TNFRSF1B: variants seen among roughly 807,000 people sequenced by gnomAD.
TNFRSF1B encodes the protein tumor necrosis factor receptor superfamily member 1B.
TNFRSF1B carries 19 observed loss-of-function variants against 44.6 expected under a neutral mutation model. That is an observed-to-expected ratio of 0.43 (90% CI 0.30 to 0.62). The LOEUF (loss-of-function observed/expected upper bound fraction) is 0.62. TNFRSF1B is among the 20% of genes least tolerant of loss of function. TNFRSF1B has a pLI of 0.16. For missense variants in TNFRSF1B, 541 were observed against 619.9 expected (o/e 0.87, Z 1.35); for synonymous variants, 252 against 261.1 (o/e 0.97, Z 0.34).
chr1:12,185,203 C>A (rs896836453), intron 1 of TNFRSF1B, among the ~76,000 whole-genome samples: 2 of 152,214 alleles, frequency 1.3e-5, no homozygotes, highest in Non-Finnish European at 2.9e-5. Context: ...GGCCATGAGC[C>A]CCCTCCGCCA....
chr1:12,201,797 C>G (rs900313822), intron 8 of TNFRSF1B, among the ~76,000 whole-genome samples, 170 bp from the exon 9 acceptor site: 1 of 152,160 alleles, frequency 6.6e-6, no homozygotes, highest in Non-Finnish European at 1.5e-5. Flanking sequence ...GAGAATCACA[C>G]CTCCCAAAAA....
chr1:12,183,826 C>CCTATCTATCTATCTATCTAT (rs111395466), intron 1 of TNFRSF1B, among the ~76,000 whole-genome samples: 115 of 124,448 alleles, frequency 9.2e-4, no homozygotes, highest in African/African-American at 3.1e-3. Flanking sequence ...ATTCTATCTA[C>CCTATCTATCTATCTATCTAT]CTATCTATCT....
At position 12,192,486 on chromosome 1, in the gene TNFRSF1B, C is replaced by T; in HGVS notation, c.513C>T (p.Asn171=). The change falls in exon 5 of 10, where the codon AAC becomes AAT. Residue 171 remains asparagine (N), a synonymous_variant. Transcript: ENST00000376259. ...CKPCAPGTFS[N]TTSSTDICRP... ...CCTGTGCCCCGGGGACGTTCTCCAA[C>T]ACGACTTCATCCACGGATATTTGCA... is the stretch of plus-strand genomic sequence containing the variant. 5 of 1,614,166 alleles carry T rather than the reference C, an allele frequency of 3.1e-6. No individual in the cohort carries two copies. Among genetic ancestry groups the T allele is most frequent in the Non-Finnish European group, 3.4e-6 (4 of 1,180,012 alleles).
Position 12,168,445 on chromosome 1 carries a change from G to A in TNFRSF1B, c.78+1276G>A, listed in dbSNP as rs532251835. 5.8e-4 allele frequency among the ~76,000 whole-genome samples: 89 copies of A among 152,262 alleles called. No homozygotes were observed. Among genetic ancestry groups the A allele is most frequent in the African/African-American group, 1.9e-3 (81 of 41,554 alleles). Reference sequence around the variant, plus strand: ...AGAGTAAGTCCTGGGTGGCCTTTGGGTCAGGAGAGTCCCCACTCTAGGGCC... The same window carrying A: ...AGAGTAAGTCCTGGGTGGCCTTTGGATCAGGAGAGTCCCCACTCTAGGGCC... On this transcript the variant is annotated intron_variant, in intron 1 of 9. Transcript: ENST00000376259. This position sits in a 1 kb window ranked among gnomAD's most constrained non-coding sequence, Gnocchi z 4.7.
Position 12,187,309 on chromosome 1 carries a change from A to G in TNFRSF1B, c.79-1487A>G, listed in dbSNP as rs5745997. On this transcript the variant is annotated intron_variant, in intron 1 of 9. Coordinates refer to ENST00000376259, the MANE Select transcript of TNFRSF1B (RefSeq NM_001066.3). The surrounding 1 kb of genome is among the most constrained non-coding windows in gnomAD (Gnocchi z 5.5). The stretch of plus-strand genomic sequence containing the variant: ...GCTGGGATTACAGGCACACGCCACT[A>G]TGCCGGGATAATTTTGTATTTTTAG... Among the ~76,000 whole-genome samples the G allele has an allele frequency of 5.0e-3, 756 of 152,160 alleles. 6 individuals are homozygous for G. The highest frequency in any genetic ancestry group is 0.017 in the African/African-American group (688 of 41,520).
chr1:12,183,728 T>C (rs1201134), intron 1 of TNFRSF1B, among the ~76,000 whole-genome samples: 90 of 124,144 alleles, frequency 7.2e-4, no homozygotes, highest in East Asian at 5.9e-3. Flanking sequence ...TACCTATCTA[T>C]CTATCTATCT....
chr1:12,204,999 A>AC (rs1366379091), intron 9 of TNFRSF1B, among the ~76,000 whole-genome samples: 1 of 149,794 alleles, frequency 6.7e-6, no homozygotes, highest in African/African-American at 2.5e-5. Flanking sequence ...ACATAGCAAG[A>AC]CCCCCGTCTC....
At position 12,199,278 on chromosome 1, in the gene TNFRSF1B, G is replaced by T. The variant is rs535674116; in HGVS notation, c.901-2689G>T. Among the ~76,000 whole-genome samples, 62 of 152,348 alleles carry T rather than the reference G, an allele frequency of 4.1e-4. 1 individual carries two copies. The South Asian group carries it at 0.012, about 30-fold the overall frequency. On this transcript the variant is annotated intron_variant, in intron 8 of 9. Coordinates refer to ENST00000376259, the MANE Select transcript of TNFRSF1B (RefSeq NM_001066.3). This position sits in a 1 kb window ranked among gnomAD's most constrained non-coding sequence, Gnocchi z 4.0. ...CCCCTTCCAGGCTCAGAGCAGGGCT[G>T]GGGGGCAGTTGTGGGCAGTGACCAG...
chr1:12,188,737 A>G, intron 1 of TNFRSF1B, 59 bp from the exon 2 acceptor site: 2 of 1,505,592 alleles, frequency 1.3e-6, no homozygotes, highest in Non-Finnish European at 1.8e-6. Flanking sequence ...CCTGGGCATC[A>G]GGCATGGCAG....
Position 12,186,481 on chromosome 1 carries a change from C to T in TNFRSF1B, c.79-2315C>T, listed in dbSNP as rs563195185. Among the ~76,000 whole-genome samples the T allele has an allele frequency of 7.9e-5, 12 of 152,204 alleles. No homozygotes were observed. The highest frequency in any genetic ancestry group is 1.6e-4 in the Non-Finnish European group (11 of 68,044). On this transcript the variant is annotated intron_variant, in intron 1 of 9. Coordinates refer to ENST00000376259, the MANE Select transcript of TNFRSF1B (RefSeq NM_001066.3). The surrounding 1 kb of genome is among the most constrained non-coding windows in gnomAD (Gnocchi z 4.8). ...GAAGTCCAGGATAGGTCCATGGCCACGTTGTGCTGGTTTGTTAAATATTTT... is the reference window on the plus strand; with the variant it reads ...GAAGTCCAGGATAGGTCCATGGCCATGTTGTGCTGGTTTGTTAAATATTTT...
chr1:12,167,084 C>T lies in TNFRSF1B; in HGVS notation c.-8C>T. On this transcript the variant is annotated 5_prime_UTR_variant, in exon 1 of 10. Transcript: ENST00000376259. ...AGGGCAGGGGGCAACCGGACCCCGC[C>T]CGCACCCATGGCGCCCGTCGCCGTC... is the stretch of plus-strand genomic sequence containing the variant. 1 of 1,322,200 alleles carries T rather than the reference C, an allele frequency of 7.6e-7. No individual in the cohort carries two copies. 81.9% of individuals were successfully genotyped at this position (1,322,200 alleles called of 1,614,324 possible). A position where few individuals can be genotyped will look rare whatever the true frequency, so the allele number is the denominator to read the frequency against.
At chr1:12,204,406 G>A (rs528820429) in intron 9 of TNFRSF1B, among the ~76,000 whole-genome samples, 2 of 152,220 alleles carry the variant, frequency 1.3e-5, no homozygotes, top group Admixed American at 6.5e-5. Context: ...ACATGCTTGG[G>A]GCTGTTTTGA....
rs771703889 is a variant in TNFRSF1B at position 12,193,102 on chromosome 1, A to G, written c.787+4A>G. On this transcript the variant is annotated splice_donor_region_variant and intron_variant, in intron 6 of 9. Transcript: ENST00000376259. ...GGCGACTTCGCTCTTCCAGTTGGTAAGTCGCAAGAAGTCTCATTCATTCAC... is the reference window on the plus strand; with the variant it reads ...GGCGACTTCGCTCTTCCAGTTGGTAGGTCGCAAGAAGTCTCATTCATTCAC... The G allele has an allele frequency of 4.4e-6, 7 of 1,602,942 alleles. No homozygotes were observed. The East Asian group carries it at 1.6e-4, about 36-fold the overall frequency.
At chr1:12,183,978 G>A (rs1034470250) in intron 1 of TNFRSF1B, among the ~76,000 whole-genome samples, 3 of 152,162 alleles carry the variant, frequency 2.0e-5, no homozygotes, top group African/African-American at 4.8e-5. Flanking sequence ...TTTCACTTGA[G>A]GCCCCCATAT....
chr1:12,191,851 A>G lies in TNFRSF1B; in HGVS notation c.385A>G (p.Ser129Gly). The G allele has an allele frequency of 6.2e-7, 1 of 1,612,650 alleles. No homozygotes were observed. The highest frequency in any genetic ancestry group is 8.5e-7 in the Non-Finnish European group (1 of 1,179,738). Residue 129 changes from serine (S) to glycine (G), a missense_variant, in exon 4 of 10, where the codon AGC becomes GGC. Transcript: ENST00000376259. Reference sequence around the variant, plus strand: ...CAGGCCCGGCTGGTACTGCGCGCTGAGCAAGCAGGAGGGGTGCCGGCTGTG... The same window carrying G: ...CAGGCCCGGCTGGTACTGCGCGCTGGGCAAGCAGGAGGGGTGCCGGCTGTG... ...TCRPGWYCALSKQEGCRLCAP... is the reference protein window; with the variant it reads ...TCRPGWYCALGKQEGCRLCAP...
Position 12,199,348 on chromosome 1 carries a change from C to T in TNFRSF1B, c.901-2619C>T, listed in dbSNP as rs750882665. ...AGGTTCAGCATGAACTTGCAATGCCCTCCATCTCTCCAAAACTGGGGGACC... is the reference window on the plus strand; with the variant it reads ...AGGTTCAGCATGAACTTGCAATGCCTTCCATCTCTCCAAAACTGGGGGACC... On this transcript the variant is annotated intron_variant, in intron 8 of 9. Coordinates refer to ENST00000376259, the MANE Select transcript of TNFRSF1B (RefSeq NM_001066.3). The surrounding 1 kb of genome is among the most constrained non-coding windows in gnomAD (Gnocchi z 4.0). Among the ~76,000 whole-genome samples, 41 of 152,222 alleles carry T rather than the reference C, an allele frequency of 2.7e-4. No individual in the cohort carries two copies. The highest frequency in any genetic ancestry group is 5.3e-4 in the Non-Finnish European group (36 of 68,042).
chr1:12,188,430 T>G (rs773011432), intron 1 of TNFRSF1B, among the ~76,000 whole-genome samples: 4 of 152,070 alleles, frequency 2.6e-5, no homozygotes, highest in Non-Finnish European at 5.9e-5. Flanking sequence ...GAGAGGTATC[T>G]TCCTTCCTCA....
rs1639018802 is a variant in TNFRSF1B at position 12,187,779 on chromosome 1, C to T, written c.79-1017C>T. ...GAAAGTGATTTGCTAGGGAGGGCTC[C>T]CAGGAGAAGCAGGCAGGGCAGGTCA... On this transcript the variant is annotated intron_variant, in intron 1 of 9. Coordinates refer to ENST00000376259, the MANE Select transcript of TNFRSF1B (RefSeq NM_001066.3). The surrounding 1 kb of genome is among the most constrained non-coding windows in gnomAD (Gnocchi z 5.5). 6.6e-6 allele frequency among the ~76,000 whole-genome samples: 1 copy of T among 152,128 alleles called. No individual in the cohort carries two copies. Among genetic ancestry groups the T allele is most frequent in the South Asian group, 2.1e-4 (1 of 4,824 alleles).
Position 12,167,020 on chromosome 1 carries a change from TG to T in TNFRSF1B, c.-70del. 9.0e-7 allele frequency: 1 copy of T among 1,113,354 alleles called. No homozygotes were observed. Among genetic ancestry groups the T allele is most frequent in the South Asian group, 3.1e-5 (1 of 32,026 alleles). The allele number at this position is 1,113,354 out of a possible 1,614,324, so 69.0% of individuals were successfully genotyped here. On this transcript the variant is annotated 5_prime_UTR_variant, in exon 1 of 10. Transcript: ENST00000376259. ...GAGGGCTAGCGAGCGCAGCGGAGCCTGGAGAGAAGGCGCTGGGCTGCGAGGG... is the reference window on the plus strand; with the variant it reads ...GAGGGCTAGCGAGCGCAGCGGAGCCTGAGAGAAGGCGCTGGGCTGCGAGGG...
Sources: allele counts gnomAD v4.1 joint callset (sites outside exome capture counted in the v4.1 genomes callset), GRCh38; gene constraint gnomAD v4.1.1; non-coding constraint Gnocchi (gnomAD v3.1); transcripts MANE v1.5; gene names NCBI Gene and HGNC (gene_info 2026-07-23, HGNC 2026-07-21).